ZFAND6: variants seen among roughly 807,000 people sequenced by gnomAD.
The protein encoded by ZFAND6 is AN1-type zinc finger protein 6.
In ZFAND6, 12 loss-of-function variants were observed where a neutral mutation model predicts 24.5. That is an observed-to-expected ratio of 0.49 (90% CI 0.31 to 0.79). ZFAND6 has a LOEUF of 0.79. ZFAND6 is among the 30% of genes least tolerant of loss of function. ZFAND6 has a pLI of 0.04. For missense variants in ZFAND6, 207 were observed against 245.9 expected (o/e 0.84, Z 1.06); for synonymous variants, 92 against 81.5 (o/e 1.13, Z -0.69).
chr15:80,108,748 T>C (rs1208897960), intron 2 of ZFAND6, among the ~76,000 whole-genome samples: 1 of 152,136 alleles, frequency 6.6e-6, no homozygotes, highest in Non-Finnish European at 1.5e-5. Context: ...TTTTTTCTTT[T>C]TTTTTGGAGT....
At chr15:80,063,435 AGGCT>A (rs1417987109) in intron 1 of ZFAND6, among the ~76,000 whole-genome samples, 1 of 152,058 alleles carries the variant, frequency 6.6e-6, no homozygotes, top group Non-Finnish European at 1.5e-5. Context: ...TCTGTCTCCC[AGGCT>A]GGAGTGCAAC....
intron 1 of ZFAND6, among the ~76,000 whole-genome samples, chr15:80,082,400 G>C (rs879447730): frequency 1.3e-5 from 2 of 152,212 alleles, no homozygotes; most frequent in Admixed American, 1.3e-4. Flanking sequence ...TTTATAGACA[G>C]ATAGGACAAA....
At chr15:80,115,604 T>C (rs1270194340) in intron 2 of ZFAND6, among the ~76,000 whole-genome samples, 1 of 152,206 alleles carries the variant, frequency 6.6e-6, no homozygotes, top group Admixed American at 6.5e-5. Flanking sequence ...TAAATTACTC[T>C]TTATGGTTTT....
At chr15:80,093,035 A>G (rs899232850) in intron 1 of ZFAND6, among the ~76,000 whole-genome samples, 21 of 151,484 alleles carry the variant, frequency 1.4e-4, no homozygotes, top group South Asian at 2.1e-4. Flanking sequence ...GCTCACTGCA[A>G]CCTCTGCCTC....
At chr15:80,115,213 C>G (rs1424317570) in intron 2 of ZFAND6, 1 of 152,060 alleles carries the variant, frequency 6.6e-6, no homozygotes, top group East Asian at 1.9e-4. Context: ...ATAGTAAACT[C>G]TGAATAACTG....
intron 5 of ZFAND6, among the ~76,000 whole-genome samples, chr15:80,127,312 G>A (rs1422261390): frequency 5.9e-5 from 9 of 152,170 alleles, no homozygotes; most frequent in East Asian, 1.9e-4. Context: ...ACAGGGCCGG[G>A]TGCGGTGGTT....
chr15:80,108,423 G>T (rs16971756), intron 2 of ZFAND6, among the ~76,000 whole-genome samples: 5,185 of 152,204 alleles, frequency 0.034, 284 homozygotes, highest in East Asian at 0.22. Context: ...TGTGGTAATC[G>T]TGAGAAGAAA....
chr15:80,063,703 A>G (rs1445830685), intron 1 of ZFAND6, among the ~76,000 whole-genome samples: 1 of 151,856 alleles, frequency 6.6e-6, no homozygotes, highest in Non-Finnish European at 1.5e-5. Flanking sequence ...GGTGCATGCC[A>G]CTACACCCAG....
intron 4 of ZFAND6, 62 bp from the exon 5 acceptor site, chr15:80,122,638 C>T (rs2040196504): frequency 1.9e-6 from 2 of 1,049,840 alleles, no homozygotes; most frequent in East Asian, 4.8e-5. Flanking sequence ...CTTACTGTGT[C>T]ACATTAGTTA....
rs1209983705 is a variant in ZFAND6, at chr15:80,133,383, T to C, written c.478+2090T>C. ...AATTTTTGTATTTCTTTAGTAGAGA[T>C]GGGGTTTCACCACGTTGGCCAGGCT... On this transcript the variant is annotated intron_variant, in intron 6 of 6. Transcript: ENST00000261749. 4.6e-5 allele frequency among the ~76,000 whole-genome samples: 7 copies of C among 152,094 alleles called. No individual in the cohort carries two copies. In the East Asian group the frequency reaches 1.4e-3, roughly 30 times the overall value.
intron 5 of ZFAND6, among the ~76,000 whole-genome samples, chr15:80,124,313 G>A (rs2142026276): frequency 6.6e-6 from 1 of 152,204 alleles, no homozygotes; most frequent in African/African-American, 2.4e-5. Flanking sequence ...GGCATCTGTA[G>A]TCCTAGCTAC....
intron 1 of ZFAND6, among the ~76,000 whole-genome samples, chr15:80,064,320 A>G (rs369811143): frequency 1.8e-4 from 28 of 152,192 alleles, no homozygotes; most frequent in African/African-American, 6.3e-4. Flanking sequence ...AAAATATGAC[A>G]GAATACACAT....
chr15:80,092,934 A>G (rs1220792526), intron 1 of ZFAND6, among the ~76,000 whole-genome samples: 1 of 148,684 alleles, frequency 6.7e-6, no homozygotes, highest in African/African-American at 2.5e-5. Flanking sequence ...TTTAGGCTTT[A>G]TGTTTAAATA....
At chr15:80,093,816 GA>G (rs1485252842) in intron 1 of ZFAND6, among the ~76,000 whole-genome samples, 3 of 152,246 alleles carry the variant, frequency 2.0e-5, no homozygotes, top group Non-Finnish European at 4.4e-5. Flanking sequence ...AAGAATAGCA[GA>G]GCTTTACTGG....
chr15:80,124,243 C>T (rs1486812677), intron 5 of ZFAND6, among the ~76,000 whole-genome samples: 1 of 152,120 alleles, frequency 6.6e-6, no homozygotes, highest in Non-Finnish European at 1.5e-5. Flanking sequence ...ACCATCCTGG[C>T]TAACACGGTG....
At chr15:80,114,361 T>G (rs1055905772) in intron 2 of ZFAND6, among the ~76,000 whole-genome samples, 4 of 152,198 alleles carry the variant, frequency 2.6e-5, no homozygotes, top group South Asian at 4.1e-4. Flanking sequence ...CTAGGGAAAT[T>G]AGGCTGCTCG....
At position 80,120,495 on chromosome 15, in the gene ZFAND6, C is replaced by T. The variant is rs908089081; in HGVS notation, c.151C>T (p.Pro51Ser). The T allele has an allele frequency of 2.0e-6, 3 of 1,526,158 alleles. No homozygotes were observed. The highest frequency in any genetic ancestry group is 2.7e-6 in the Non-Finnish European group (3 of 1,127,048). 94.5% of individuals were successfully genotyped at this position (1,526,158 alleles called of 1,614,324 possible). A position where few individuals can be genotyped will look rare whatever the true frequency, so the allele number is the denominator to read the frequency against. Residue 51 changes from proline (P) to serine (S), a missense_variant, in exon 3 of 7, where the codon CCT becomes TCT. Physicochemically the swap from Pro to Ser is moderately conservative, Grantham distance 74 (BLOSUM62 -1). Coordinates refer to ENST00000261749, the MANE Select transcript of ZFAND6 (RefSeq NM_019006.4). ...TAGTAGTAATGGTAGAATAAGCCCA[C>T]CTGGTAAGTAATTCTAGTGAAACCC... ...QNSSNGRISP[P>S]ATSVSSLSES... is the part of the protein sequence containing the mutation.
intron 1 of ZFAND6, among the ~76,000 whole-genome samples, chr15:80,083,675 A>T (rs1192489862): frequency 6.6e-6 from 1 of 152,144 alleles, no homozygotes; most frequent in Non-Finnish European, 1.5e-5. Flanking sequence ...TCAGGAAGCC[A>T]ATGTCAGGAG....
chr15:80,105,181 G>C (rs1005295342), intron 2 of ZFAND6, among the ~76,000 whole-genome samples: 1 of 152,206 alleles, frequency 6.6e-6, no homozygotes, highest in Non-Finnish European at 1.5e-5. Flanking sequence ...TAAATATTGA[G>C]CGTAAGCACA....
Sources: allele counts gnomAD v4.1 joint callset (sites outside exome capture counted in the v4.1 genomes callset), GRCh38; gene constraint gnomAD v4.1.1; transcripts MANE v1.5; gene names NCBI Gene and HGNC (gene_info 2026-07-23, HGNC 2026-07-21).